ZNF567: variants seen among roughly 807,000 people sequenced by gnomAD.
ZNF567 encodes zinc finger protein 567.
Under a neutral mutation model 53.9 loss-of-function variants are expected in ZNF567, and 36 were observed. The observed-to-expected ratio is 0.67, with a 90% CI of 0.51 to 0.88. The LOEUF is 0.88. ZNF567 is among the 40% of genes least tolerant of loss of function. The pLI is 0.00. For synonymous variants in ZNF567, 224 were observed against 260.4 expected (o/e 0.86, Z 1.35); for missense variants, 619 against 764.7 (o/e 0.81, Z 2.25).
the ZNF567 span, among the ~76,000 whole-genome samples, chr19:36,679,557 T>A: frequency 8.5e-5 from 13 of 152,322 alleles, no homozygotes; most frequent in East Asian, 2.3e-3. Flanking sequence ...TTATTCACAA[T>A]AACTAAGATA....
At chr19:36,670,212 G>T in the ZNF567 span, among the ~76,000 whole-genome samples, 1 of 152,034 alleles carries the variant, frequency 6.6e-6, no homozygotes, top group Admixed American at 6.6e-5. Context: ...GGCACAGCAA[G>T]TCCCAGAAGC....
chr19:36,697,446 A>G (rs1031203826), intron 3 of ZNF567, among the ~76,000 whole-genome samples: 3 of 151,862 alleles, frequency 2.0e-5, no homozygotes, highest in Non-Finnish European at 4.4e-5. Context: ...TTTCTAATCT[A>G]TATTCCCTTC....
chr19:36,684,989 T>C (rs1360315936), upstream of ZNF567, among the ~76,000 whole-genome samples: 1 of 152,070 alleles, frequency 6.6e-6, no homozygotes, highest in Non-Finnish European at 1.5e-5. Context: ...GGAAAACAGA[T>C]GTAAAAAGGG....
chr19:36,711,539 G>T (rs2039789027), intron 3 of ZNF567: 1 of 152,164 alleles, frequency 6.6e-6, no homozygotes, highest in African/African-American at 2.4e-5. Flanking sequence ...TTTATTGTAT[G>T]GCATGTGCAC....
Position 36,712,810 on chromosome 19 carries a change from C to T in ZNF567, c.166C>T (p.Leu56Phe). Residue 56 changes from leucine (L) to phenylalanine (F), a missense_variant, in exon 5 of 6, where the codon CTC (leucine) becomes TTC (phenylalanine). Coordinates refer to ENST00000682579, the MANE Select transcript of ZNF567 (RefSeq NM_001322917.1). ...TCACATGACCAAACCTGATGTGATC[C>T]TCAAGTTGGAACGAGGAGAAGAGCC... is the stretch of plus-strand genomic sequence containing the variant. ...GCHMTKPDVI[L>F]KLERGEEPWT... 1 of 1,613,952 alleles carries T rather than the reference C, an allele frequency of 6.2e-7. No individual in the cohort carries two copies. The highest frequency in any genetic ancestry group is 1.7e-5 in the Admixed American group (1 of 59,978).
chr19:36,727,051 T>TTTTATTTATTTATTTATTTATTTA (rs60874148), downstream of ZNF567: 28 of 120,880 alleles, frequency 2.3e-4, no homozygotes, highest in Non-Finnish European at 3.7e-4. Flanking sequence ...AGTAGATCAA[T>TTTTATTTATTTATTTATTTATTTA]TTTATTTATT....
intron 2 of ZNF567, among the ~76,000 whole-genome samples, chr19:36,691,730 G>C (rs1251489959): frequency 2.0e-5 from 3 of 152,178 alleles, no homozygotes; most frequent in Non-Finnish European, 4.4e-5. Flanking sequence ...GTAGCCTTTT[G>C]AGTCTGGCTT....
At chr19:36,684,011 C>A (rs961078534), upstream of ZNF567, among the ~76,000 whole-genome samples, 1 of 151,996 alleles carries the variant, frequency 6.6e-6, no homozygotes, top group African/African-American at 2.4e-5. Flanking sequence ...CTAAGACTAT[C>A]CAAAATATAC....
At chr19:36,695,723 C>T (rs2038853206) in intron 3 of ZNF567, among the ~76,000 whole-genome samples, 1 of 151,528 alleles carries the variant, frequency 6.6e-6, no homozygotes, top group South Asian at 2.1e-4. Flanking sequence ...GTGGATATAT[C>T]ATTCACCATC....
downstream of ZNF567, chr19:36,723,148 G>A (rs1412780094): frequency 7.1e-6 from 5 of 702,756 alleles, no homozygotes; most frequent in East Asian, 5.4e-5. Flanking sequence ...CAGAAGAATT[G>A]TACTCATGAC....
Position 36,692,996 on chromosome 19 carries a change from C to G in ZNF567, c.-66-1806C>G, listed in dbSNP as rs202078019. On this transcript the variant is annotated intron_variant, in intron 2 of 5. Coordinates refer to ENST00000682579, the MANE Select transcript of ZNF567 (RefSeq NM_001322917.1). ...ACTCTTTCTCAAAGTTTTCAGCAAC[C>G]CTGGGAGTAGGCGGTATGTGGTGGT... Among the ~76,000 whole-genome samples the G allele has an allele frequency of 3.2e-4, 49 of 151,974 alleles. No individual in the cohort carries two copies. The East Asian group carries it at 7.2e-3, about 22-fold the overall frequency.
intron 3 of ZNF567, among the ~76,000 whole-genome samples, chr19:36,706,435 A>G (rs924797886): frequency 6.6e-5 from 10 of 152,150 alleles, no homozygotes; most frequent in South Asian, 2.1e-4. Context: ...CTGATACTAC[A>G]GGCATGTGAC....
chr19:36,707,723 A>ATT (rs2145782087), intron 3 of ZNF567, among the ~76,000 whole-genome samples: 1 of 151,912 alleles, frequency 6.6e-6, no homozygotes, highest in South Asian at 2.1e-4. Context: ...GATTACAGGC[A>ATT]CCTGCCACCA....
chr19:36,704,037 G>C (rs1027407053), intron 3 of ZNF567, among the ~76,000 whole-genome samples: 1 of 152,236 alleles, frequency 6.6e-6, no homozygotes, highest in African/African-American at 2.4e-5. Context: ...CACGCTGGGA[G>C]CTGTAGACCA....
upstream of ZNF567, among the ~76,000 whole-genome samples, chr19:36,683,117 G>A (rs1295023413): frequency 6.6e-6 from 1 of 151,674 alleles, no homozygotes; most frequent in African/African-American, 2.4e-5. Flanking sequence ...CAACGCTCAG[G>A]TTGGAGTGCA....
the ZNF567 span, among the ~76,000 whole-genome samples, chr19:36,680,156 T>C: frequency 1.3e-5 from 2 of 152,152 alleles, no homozygotes; most frequent in African/African-American, 4.8e-5. Context: ...ATACATACAA[T>C]TGTTGTACAA....
intron 3 of ZNF567, among the ~76,000 whole-genome samples, chr19:36,700,841 C>CT (rs2145686915): frequency 6.6e-6 from 1 of 152,154 alleles, no homozygotes; most frequent in South Asian, 2.1e-4. Flanking sequence ...TGCTAGCGGT[C>CT]TATCAATTTT....
chr19:36,681,617 A>G, the ZNF567 span, among the ~76,000 whole-genome samples: 7 of 152,106 alleles, frequency 4.6e-5, no homozygotes, highest in East Asian at 5.8e-4. Context: ...TTTTGTAGAA[A>G]TGGAGTTTCA....
intron 3 of ZNF567, among the ~76,000 whole-genome samples, chr19:36,698,235 C>A (rs1303904138): frequency 1.3e-5 from 2 of 151,982 alleles, no homozygotes; most frequent in African/African-American, 4.8e-5. Flanking sequence ...TCATCCATGT[C>A]CCTACAAAGG....
Sources: allele counts gnomAD v4.1 joint callset (sites outside exome capture counted in the v4.1 genomes callset), GRCh38; gene constraint gnomAD v4.1.1; transcripts MANE v1.5; gene names NCBI Gene and HGNC (gene_info 2026-07-23, HGNC 2026-07-21).